Variants in SI observed in about 807,000 individuals in gnomAD.
The protein encoded by SI is sucrase-isomaltase.
Under a neutral mutation model 253.3 loss-of-function variants are expected in SI, and 235 were observed. The observed-to-expected ratio is 0.93, with a 90% CI of 0.83 to 1.03. The LOEUF (loss-of-function observed/expected upper bound fraction) is 1.03. Ranked by LOEUF, SI falls within the 50% of genes least tolerant of loss-of-function variation. SI has a pLI of 0.00. For missense variants in SI, 2,442 were observed against 2,211.1 expected (o/e 1.10, Z -2.09); for synonymous variants, 819 against 712.0 (o/e 1.15, Z -2.39).
At chr3:165,068,328 T>C (rs1208007941) in intron 5 of SI, among the ~76,000 whole-genome samples, 4 of 152,220 alleles carry the variant, frequency 2.6e-5, no homozygotes, top group African/African-American at 7.2e-5. Context: ...TATTCGTATG[T>C]TATATTTGCA....
At chr3:165,079,354 C>T (rs1715201413), upstream of SI, among the ~76,000 whole-genome samples, 3 of 151,524 alleles carry the variant, frequency 2.0e-5, no homozygotes, top group South Asian at 6.2e-4. Flanking sequence ...CTAAGCCTTG[C>T]ATACCATCTG....
At chr3:165,077,976 G>C (rs376020112) in intron 1 of SI, among the ~76,000 whole-genome samples, 11 of 151,642 alleles carry the variant, frequency 7.3e-5, no homozygotes, top group South Asian at 2.1e-4. Context: ...TTATGAAGAT[G>C]AATAATACTT....
intron 44 of SI, among the ~76,000 whole-genome samples, chr3:164,990,851 A>T (rs1717697873): frequency 6.6e-6 from 1 of 152,132 alleles, no homozygotes; most frequent in African/African-American, 2.4e-5. Flanking sequence ...ATACATATGT[A>T]ACTAACCTGC....
chr3:165,067,407 A>G lies in SI; in HGVS notation c.568T>C (p.Tyr190His), dbSNP rs755870756. The G allele has an allele frequency of 9.9e-6, 16 of 1,612,614 alleles. No homozygotes were observed. Among genetic ancestry groups the G allele is most frequent in the East Asian group, 4.5e-5 (2 of 44,738 alleles). ...GGGTTTTGGGCAACCTTCACATCAT[A>G]CAACGTATCAGAAACTGTGGGTCCA... is the stretch of plus-strand genomic sequence containing the variant. Reference protein sequence around the residue: ...FTGPTVSDTLYDVKVAQNPFS... With the variant: ...FTGPTVSDTLHDVKVAQNPFS... The change falls in exon 6 of 48, where the codon TAT becomes CAT. Residue 190 changes from tyrosine (Y) to histidine (H), a missense_variant. By Grantham distance (83) the Tyr-to-His change is moderately conservative. Transcript: ENST00000264382.
chr3:165,060,329 T>G (rs886386953), intron 9 of SI, among the ~76,000 whole-genome samples: 1 of 151,876 alleles, frequency 6.6e-6, no homozygotes, highest in Non-Finnish European at 1.5e-5. Flanking sequence ...TTGTAGAAAG[T>G]TAAATAAGAT....
chr3:165,014,366 A>G (rs1435200764), intron 33 of SI, among the ~76,000 whole-genome samples: 1 of 151,564 alleles, frequency 6.6e-6, no homozygotes, highest in African/African-American at 2.4e-5. Context: ...CTCTTGCCTC[A>G]GCCTCCTGAG....
At position 165,040,871 on chromosome 3, in the gene SI, T is replaced by C. The variant is rs1712785166; in HGVS notation, c.2159+69A>G. The C allele has an allele frequency of 2.3e-6, 3 of 1,293,158 alleles. No individual in the cohort carries two copies. In the East Asian group the frequency reaches 7.0e-5, roughly 30 times the overall value. 80.1% of individuals were successfully genotyped at this position (1,293,158 alleles called of 1,614,324 possible). On this transcript the variant is annotated intron_variant, in intron 18 of 47. Transcript: ENST00000264382. The stretch of plus-strand genomic sequence containing the variant: ...AATTGATATCTTGATTTACCTCCAT[T>C]AAACTTTTCTGTGTATGTTTGAACA...
rs372410648 is a variant in SI at position 165,046,833 on chromosome 3, T to G, written c.1887+8A>C. 3.5e-5 allele frequency: 56 copies of G among 1,605,502 alleles called. No individual in the cohort carries two copies. The highest frequency in any genetic ancestry group is 4.7e-5 in the Non-Finnish European group (55 of 1,172,796). The stretch of plus-strand genomic sequence containing the variant: ...TTTTATGAGTAACACTCTATGAAAC[T>G]GTCTTACCAAAGGTATTCCAAACAA... On this transcript the variant is annotated splice_region_variant and intron_variant, in intron 16 of 47. Coordinates refer to ENST00000264382, the MANE Select transcript of SI (RefSeq NM_001041.4).
intron 44 of SI, 44 bp downstream of exon 44, chr3:164,991,309 T>A: frequency 1.2e-6 from 2 of 1,608,608 alleles, no homozygotes; most frequent in South Asian, 1.1e-5. Context: ...GCTAGCATGA[T>A]GTATCTCAAA....
At chr3:165,056,421 A>G (rs1391603267) in intron 12 of SI, among the ~76,000 whole-genome samples, 1 of 152,142 alleles carries the variant, frequency 6.6e-6, no homozygotes, top group African/African-American at 2.4e-5. Context: ...ACCCATACAC[A>G]AAGAAAGTAC....
At chr3:165,019,472 C>A (rs1446928607) in intron 28 of SI, 130 bp downstream of exon 28, 6 of 855,626 alleles carry the variant, frequency 7.0e-6, no homozygotes, top group East Asian at 5.2e-5. Flanking sequence ...ATTGCTATAG[C>A]TGCTCTGGAG....
intron 3 of SI, among the ~76,000 whole-genome samples, chr3:165,071,345 C>T (rs1714563006): frequency 1.3e-5 from 2 of 151,676 alleles, no homozygotes; most frequent in African/African-American, 4.8e-5. Context: ...GGGTTTTAGG[C>T]ATTTTCCTCA....
intron 40 of SI, 28 bp from the exon 41 acceptor site, chr3:164,994,433 T>C (rs1275378900): frequency 1.9e-6 from 3 of 1,607,386 alleles, no homozygotes; most frequent in East Asian, 2.2e-5. Flanking sequence ...AACATAGTTA[T>C]AAGCTTTGGT....
chr3:165,080,204 T>G (rs530543764), upstream of SI, among the ~76,000 whole-genome samples: 3 of 152,122 alleles, frequency 2.0e-5, no homozygotes, highest in East Asian at 5.8e-4. Context: ...CCCTTTAATT[T>G]TAGTTCTCTG....
rs1410399735 is a variant in SI, at chr3:164,998,567, A to G, written c.4513T>C (p.Trp1505Arg). The change falls in exon 38 of 48, where the codon TGG becomes CGG. Residue 1505 changes from tryptophan to arginine, a missense_variant. Coordinates refer to ENST00000264382, the MANE Select transcript of SI (RefSeq NM_001041.4). ...ATGATTGATTTGTCCATGTTGTCCC[A>G]TCGTGCATAGTTGTCTCCAAGCCAG... ...GHWLGDNYARWDNMDKSIIGM... is the reference protein window; with the variant it reads ...GHWLGDNYARRDNMDKSIIGM... The G allele has an allele frequency of 5.6e-6, 9 of 1,611,970 alleles. No individual in the cohort carries two copies. Among genetic ancestry groups the G allele is most frequent in the Admixed American group, 3.3e-5 (2 of 59,802 alleles).
chr3:165,017,203 C>A (rs1473572553), intron 31 of SI, among the ~76,000 whole-genome samples: 2 of 151,910 alleles, frequency 1.3e-5, no homozygotes, highest in South Asian at 4.2e-4. Context: ...GATTTCTTAT[C>A]TTATTGATGA....
At chr3:165,050,749 G>A (rs1713384574) in intron 13 of SI, among the ~76,000 whole-genome samples, 1 of 151,928 alleles carries the variant, frequency 6.6e-6, no homozygotes, top group Admixed American at 6.6e-5. Context: ...ATCCTTGTCT[G>A]TGTTACTTTT....
At chr3:165,020,225 A>G (rs1711526146) in intron 27 of SI, among the ~76,000 whole-genome samples, 3 of 151,516 alleles carry the variant, frequency 2.0e-5, no homozygotes, top group Admixed American at 1.3e-4. Flanking sequence ...CAAATGTTTA[A>G]CTCTCTCCTA....
chr3:165,056,724 T>G (rs1013606774), intron 12 of SI, among the ~76,000 whole-genome samples: 1 of 152,126 alleles, frequency 6.6e-6, no homozygotes, highest in East Asian at 1.9e-4. Flanking sequence ...AGAACAGCGC[T>G]AGCCATAGGC....
Sources: gnomAD v4.1 joint callset for allele counts (sites outside exome capture counted in the v4.1 genomes callset) on GRCh38, gnomAD v4.1.1 for gene constraint, MANE v1.5 for transcripts, NCBI Gene and HGNC (gene_info 2026-07-23, HGNC 2026-07-21) for gene names.